UBA2: variants seen among roughly 807,000 people sequenced by gnomAD.
The protein encoded by UBA2 is ubiquitin like modifier activating enzyme 2.
In UBA2, 11 loss-of-function variants were observed where a neutral mutation model predicts 77.2. The observed-to-expected ratio is 0.14, with a 90% CI of 0.09 to 0.24. The LOEUF is 0.24. Among genes scored for constraint, UBA2 ranks in the 10% least tolerant of loss-of-function variants. The pLI is 1.00. For missense variants in UBA2, 487 were observed against 781.7 expected (o/e 0.62, Z 4.50); for synonymous variants, 278 against 276.7 (o/e 1.00, Z -0.05).
intron 5 of UBA2, among the ~76,000 whole-genome samples, chr19:34,436,152 A>T (rs554805735): frequency 6.6e-6 from 1 of 151,962 alleles, no homozygotes; most frequent in African/African-American, 2.4e-5. Flanking sequence ...CTGTTGTCTA[A>T]GAGTCTGGGC....
intron 6 of UBA2, among the ~76,000 whole-genome samples, chr19:34,442,029 G>A (rs1195578828): frequency 1.3e-5 from 2 of 151,828 alleles, no homozygotes; most frequent in African/African-American, 4.8e-5. Flanking sequence ...GAGCCCAGCA[G>A]TTTGAGAGCA....
intron 8 of UBA2, among the ~76,000 whole-genome samples, chr19:34,446,827 G>A (rs1056806232): frequency 2.0e-5 from 3 of 151,832 alleles, no homozygotes; most frequent in East Asian, 1.9e-4. Context: ...GGCTGGTCTC[G>A]AACTCCTACC....
chr19:34,433,204 C>A (rs1010931550), intron 3 of UBA2, 144 bp from the exon 4 acceptor site: 1 of 579,664 alleles, frequency 1.7e-6, no homozygotes, highest in Admixed American at 3.3e-5. Context: ...TGGAAAGAGT[C>A]AAACCTTACT....
chr19:34,443,785 T>C (rs1405188573), intron 6 of UBA2, 59 bp from the exon 7 acceptor site: 5 of 1,125,944 alleles, frequency 4.4e-6, no homozygotes, highest in Non-Finnish European at 6.8e-6. Context: ...ATATTCTAAA[T>C]TACATGTTTG....
chr19:34,431,212 CCTTTA>C (rs1460358141), intron 2 of UBA2, among the ~76,000 whole-genome samples: 5 of 145,998 alleles, frequency 3.4e-5, no homozygotes, highest in Non-Finnish European at 1.5e-5. Context: ...CTCATAACAA[CCTTTA>C]CTTTACTTTT....
At chr19:34,442,576 C>T (rs943738086) in intron 6 of UBA2, among the ~76,000 whole-genome samples, 5 of 152,234 alleles carry the variant, frequency 3.3e-5, no homozygotes, top group East Asian at 1.9e-4. Context: ...GGATTACAGG[C>T]GTCTGCCACC....
intron 6 of UBA2, among the ~76,000 whole-genome samples, chr19:34,440,191 G>T (rs2075353318): frequency 6.6e-6 from 1 of 151,540 alleles, no homozygotes; most frequent in Admixed American, 6.6e-5. Flanking sequence ...AGGCGTGGTG[G>T]TGGGCATCTG....
chr19:34,467,813 C>A (rs1435794257), intron 16 of UBA2, among the ~76,000 whole-genome samples: 1 of 152,138 alleles, frequency 6.6e-6, no homozygotes, highest in Non-Finnish European at 1.5e-5. Context: ...AAATTTCTTA[C>A]AGAAAATAAG....
At chr19:34,454,665 G>A in intron 12 of UBA2, 109 bp downstream of exon 12, 1 of 594,056 alleles carries the variant, frequency 1.7e-6, no homozygotes, top group Non-Finnish European at 2.7e-6. Context: ...TTGGTTTAAA[G>A]CAATGGAAAA....
In UBA2 at chr19:34,433,409, A is replaced by G. The variant is rs1167651511; in HGVS notation, c.355A>G (p.Arg119Gly). Residue 119 changes from arginine to glycine, a missense_variant, in exon 4 of 17, where the codon AGA (arginine) becomes GGA (glycine). Physicochemically the swap from Arg to Gly is moderately radical, Grantham distance 125. This residue lies in a region of UBA2 where 66 missense variants were observed against 112.0 expected (regional missense o/e 0.59). Coordinates refer to ENST00000246548, the MANE Select transcript of UBA2 (RefSeq NM_005499.3). ...FILVMNALDN[R>G]AARNHVNRMC... The stretch of plus-strand genomic sequence containing the variant: ...ACTGGTTATGAATGCTTTAGATAAC[A>G]GAGGTGAGGTTATTTTAATACTTTT... The G allele has an allele frequency of 6.3e-7, 1 of 1,592,790 alleles. No homozygotes were observed. Among genetic ancestry groups the G allele is most frequent in the East Asian group, 2.2e-5 (1 of 44,676 alleles).
intron 3 of UBA2, among the ~76,000 whole-genome samples, chr19:34,432,751 C>T (rs1191606690): frequency 6.6e-6 from 1 of 152,176 alleles, no homozygotes; most frequent in African/African-American, 2.4e-5. Flanking sequence ...GGCGGGGTTT[C>T]ATCATGTTGG....
intron 10 of UBA2, among the ~76,000 whole-genome samples, chr19:34,453,019 G>A (rs2075518809): frequency 6.6e-6 from 1 of 152,184 alleles, no homozygotes; most frequent in South Asian, 2.1e-4. Flanking sequence ...TAAATAAAGA[G>A]CCCTTGGAAT....
At chr19:34,442,726 C>T (rs2075384271) in intron 6 of UBA2, among the ~76,000 whole-genome samples, 1 of 152,188 alleles carries the variant, frequency 6.6e-6, no homozygotes, top group Non-Finnish European at 1.5e-5. Context: ...CCACCACGCC[C>T]AGCCAAAAAT....
intron 8 of UBA2, among the ~76,000 whole-genome samples, chr19:34,449,863 G>C (rs538493245): frequency 1.2e-4 from 19 of 152,286 alleles, no homozygotes; most frequent in African/African-American, 4.6e-4. Context: ...AGGCATTGCT[G>C]ACTGGCATCC....
intron 10 of UBA2, among the ~76,000 whole-genome samples, 166 bp downstream of exon 10, chr19:34,452,313 T>C (rs1415062755): frequency 6.6e-6 from 1 of 152,252 alleles, no homozygotes; most frequent in African/African-American, 2.4e-5. Context: ...AGCTGAATTT[T>C]CTGTACATGA....
chr19:34,464,903 A>T (rs1034948716), intron 15 of UBA2, among the ~76,000 whole-genome samples: 5 of 152,010 alleles, frequency 3.3e-5, no homozygotes, highest in Non-Finnish European at 5.9e-5. Context: ...TGAGATCAGG[A>T]GTTTGAGACC....
chr19:34,444,798 C>CT (rs1167831320), intron 7 of UBA2, among the ~76,000 whole-genome samples: 1 of 152,152 alleles, frequency 6.6e-6, no homozygotes, highest in African/African-American at 2.4e-5. Context: ...CAGAGTGAGA[C>CT]TTTGTCTCCA....
chr19:34,458,973 T>C lies in UBA2; in HGVS notation c.1401+49T>C, dbSNP rs938914461. 5 of 1,519,980 alleles carry C rather than the reference T, an allele frequency of 3.3e-6. No homozygotes were observed. The South Asian group carries it at 4.0e-5, about 12-fold the overall frequency. The allele number at this position is 1,519,980 out of a possible 1,614,324, so 94.2% of individuals were successfully genotyped here. A position where few individuals can be genotyped will look rare whatever the true frequency, so the allele number is the denominator to read the frequency against. ...TTTCCTTTTGCTTTTACAGTATTAC[T>C]GTGATGACAAACAAACACTAGCTGC... On this transcript the variant is annotated intron_variant, in intron 13 of 16. Coordinates refer to ENST00000246548, the MANE Select transcript of UBA2 (RefSeq NM_005499.3).
At chr19:34,441,835 C>A (rs552773648) in intron 6 of UBA2, among the ~76,000 whole-genome samples, 1 of 150,932 alleles carries the variant, frequency 6.6e-6, no homozygotes, top group African/African-American at 2.4e-5. Flanking sequence ...CCATGAGAGC[C>A]GCTTGAACCT....
Sources: allele counts gnomAD v4.1 joint callset (sites outside exome capture counted in the v4.1 genomes callset), GRCh38; gene constraint gnomAD v4.1.1; regional missense constraint gnomAD v4.1.1; transcripts MANE v1.5; gene names NCBI Gene and HGNC (gene_info 2026-07-23, HGNC 2026-07-21).